Variants in MAGI2 observed in about 807,000 individuals in gnomAD.
MAGI2 encodes the protein membrane associated guanylate kinase, WW and PDZ domain containing 2, also known as membrane-associated guanylate kinase, WW and PDZ domain-containing protein 2.
MAGI2 carries 35 observed loss-of-function variants against 133.3 expected under a neutral mutation model. The ratio of observed to expected loss-of-function variants is 0.26; its 90% CI spans 0.20 to 0.35. The LOEUF is 0.35. Ranked by LOEUF, MAGI2 falls within the 10% of genes least tolerant of loss-of-function variation. The pLI is 1.00. For missense variants in MAGI2, 1,636 were observed against 1,863.4 expected (o/e 0.88, Z 2.25); for synonymous variants, 729 against 710.6 (o/e 1.03, Z -0.41).
intron 2 of MAGI2, among the ~76,000 whole-genome samples, chr7:78,904,807 C>T (rs572271922): frequency 3.3e-5 from 5 of 152,058 alleles, no homozygotes; most frequent in African/African-American, 7.2e-5. Flanking sequence ...CCCTGGCCCC[C>T]GGGCAATAAA....
intron 1 of MAGI2, among the ~76,000 whole-genome samples, chr7:79,149,180 C>T (rs1483443135): frequency 6.9e-6 from 1 of 145,050 alleles, no homozygotes; most frequent in African/African-American, 2.5e-5. Context: ...AGACAGAGAA[C>T]CACAATATGC....
intron 2 of MAGI2, among the ~76,000 whole-genome samples, chr7:78,808,018 T>TAAA (rs1374137552): frequency 6.6e-6 from 1 of 152,040 alleles, no homozygotes; most frequent in East Asian, 1.9e-4. Context: ...CTCTAAGGAA[T>TAAA]AAAAAAAGAG....
intron 9 of MAGI2, among the ~76,000 whole-genome samples, chr7:78,261,943 G>GAA (rs775115573): frequency 6.6e-6 from 1 of 152,060 alleles, no homozygotes; most frequent in Non-Finnish European, 1.5e-5. Flanking sequence ...CAGTTAAATG[G>GAA]AAAATAACTG....
At chr7:78,149,202 G>A (rs1179568650) in intron 16 of MAGI2, among the ~76,000 whole-genome samples, 1 of 152,188 alleles carries the variant, frequency 6.6e-6, no homozygotes, top group Non-Finnish European at 1.5e-5. Context: ...GTTGTATAGT[G>A]CAGGATAAAA....
chr7:79,222,312 T>A (rs1461028347), intron 1 of MAGI2, among the ~76,000 whole-genome samples: 1 of 152,010 alleles, frequency 6.6e-6, no homozygotes, highest in East Asian at 1.9e-4. Flanking sequence ...ACAAGAAATA[T>A]GAAAGCAATA....
At chr7:79,316,841 T>C (rs1265311085) in intron 1 of MAGI2, among the ~76,000 whole-genome samples, 7 of 152,144 alleles carry the variant, frequency 4.6e-5, no homozygotes, top group Non-Finnish European at 1.0e-4. Context: ...GTGAGTCTTA[T>C]GATTCTCATT....
intron 10 of MAGI2, among the ~76,000 whole-genome samples, chr7:78,208,789 A>G (rs1402799926): frequency 6.6e-6 from 1 of 151,968 alleles, no homozygotes; most frequent in Non-Finnish European, 1.5e-5. Context: ...CATTAAATAC[A>G]TCTTTATTGA....
chr7:78,318,613 C>T (rs921709429), intron 9 of MAGI2, among the ~76,000 whole-genome samples: 3 of 152,116 alleles, frequency 2.0e-5, no homozygotes, highest in Admixed American at 6.6e-5. Context: ...TCAGGAAATA[C>T]AGACAATGCC....
chr7:79,394,582 T>G (rs1217839004), intron 1 of MAGI2, among the ~76,000 whole-genome samples: 2 of 152,154 alleles, frequency 1.3e-5, no homozygotes, highest in African/African-American at 4.8e-5. Flanking sequence ...ACAATGAAAT[T>G]ATAAATTAGG....
intron 1 of MAGI2, among the ~76,000 whole-genome samples, chr7:79,229,782 GT>G (rs1280895554): frequency 6.6e-6 from 1 of 151,218 alleles, no homozygotes; most frequent in Non-Finnish European, 1.5e-5. Flanking sequence ...TTTTTTTTAA[GT>G]TTTTTTAAAA....
chr7:78,334,342 C>G (rs1286473630), intron 9 of MAGI2, among the ~76,000 whole-genome samples: 2 of 138,082 alleles, frequency 1.4e-5, no homozygotes, highest in Non-Finnish European at 3.2e-5. Flanking sequence ...TCACTCTTCC[C>G]TAGAGGGTAA....
chr7:78,155,089 A>G (rs1302957575), intron 16 of MAGI2, among the ~76,000 whole-genome samples: 1 of 152,214 alleles, frequency 6.6e-6, no homozygotes, highest in Admixed American at 6.5e-5. Flanking sequence ...CCAATTTTCT[A>G]TGCTTAACAA....
intron 21 of MAGI2, among the ~76,000 whole-genome samples, chr7:78,047,909 G>A (rs911484948): frequency 3.3e-5 from 5 of 152,174 alleles, no homozygotes; most frequent in African/African-American, 4.8e-5. Flanking sequence ...ACCCAGCTCA[G>A]CTCAGATGCC....
intron 1 of MAGI2, among the ~76,000 whole-genome samples, chr7:79,416,720 T>TTTTTC: frequency 7.7e-6 from 1 of 129,458 alleles, no homozygotes; most frequent in African/African-American, 3.0e-5. Flanking sequence ...TTTTCTTTTC[T>TTTTTC]TTTTCTTTTT....
chr7:78,071,176 CACTT>C (rs1340340379), intron 21 of MAGI2, among the ~76,000 whole-genome samples: 13 of 152,180 alleles, frequency 8.5e-5, no homozygotes, highest in Non-Finnish European at 4.4e-5. Context: ...ATCCTAAAAT[CACTT>C]ACGATAACAA....
intron 4 of MAGI2, among the ~76,000 whole-genome samples, chr7:78,512,553 G>A (rs971233119): frequency 5.3e-5 from 8 of 152,124 alleles, no homozygotes; most frequent in Admixed American, 2.0e-4. Context: ...CTACAGGGGC[G>A]TGCCACCACG....
intron 9 of MAGI2, among the ~76,000 whole-genome samples, chr7:78,315,055 T>C (rs1787268194): frequency 6.6e-6 from 1 of 152,202 alleles, no homozygotes; most frequent in Non-Finnish European, 1.5e-5. Context: ...TCCATTTGTA[T>C]AACTTTAGAG....
Position 78,283,812 on chromosome 7 carries a change from C to G in MAGI2, c.1409-27231G>C, listed in dbSNP as rs1457819043. Among the ~76,000 whole-genome samples the G allele has an allele frequency of 2.0e-5, 3 of 152,038 alleles. No individual in the cohort carries two copies. The East Asian group carries it at 5.8e-4, about 29-fold the overall frequency. On this transcript the variant is annotated intron_variant, in intron 9 of 21. Transcript: ENST00000354212. Reference sequence around the variant, plus strand: ...GTAATTGGCCTAAAAAGCGATAAATCTGTTTTTGTAAAGTAACCCAAAAGA... The same window carrying G: ...GTAATTGGCCTAAAAAGCGATAAATGTGTTTTTGTAAAGTAACCCAAAAGA...
intron 4 of MAGI2, among the ~76,000 whole-genome samples, chr7:78,513,246 C>T (rs1795757708): frequency 6.6e-6 from 1 of 152,020 alleles, no homozygotes; most frequent in Admixed American, 6.5e-5. Context: ...CTTGATAATT[C>T]AAGAGCTATT....
Sources: allele counts gnomAD v4.1 joint callset (sites outside exome capture counted in the v4.1 genomes callset), GRCh38; gene constraint gnomAD v4.1.1; transcripts MANE v1.5; gene names NCBI Gene and HGNC (gene_info 2026-07-23, HGNC 2026-07-21).